Variants in CCDC171 observed in about 807,000 individuals in gnomAD.
CCDC171 encodes the protein coiled-coil domain containing 171.
Under a neutral mutation model 168.2 loss-of-function variants are expected in CCDC171, and 177 were observed. The ratio of observed to expected loss-of-function variants is 1.05; its 90% confidence interval spans 0.93 to 1.19. The LOEUF (loss-of-function observed/expected upper bound fraction) is 1.19, where lower values mean the gene tolerates loss of function less well. Among genes scored for constraint, CCDC171 ranks in the 50% most tolerant of loss-of-function variants. The pLI is 0.00. For synonymous variants in CCDC171, 687 were observed against 540.8 expected, an observed-to-expected ratio of 1.27 and a Z score of -3.75; for missense variants, 1,991 against 1,539.0, an observed-to-expected ratio of 1.29 and a Z score of -4.91.
At position 15,745,505 on chromosome 9, in the gene CCDC171, A is replaced by T. The variant is rs530529615; in HGVS notation, c.2555-10A>T. ...GTAGAATTTTACAATGGATTTTTTC[A>T]ATTTTATAGAACATCAAAAGGAGCA... On this transcript the variant is annotated splice_polypyrimidine_tract_variant and intron_variant, in intron 17 of 25. Coordinates refer to ENST00000380701, the MANE Select transcript of CCDC171 (RefSeq NM_173550.4). 2.2e-5 allele frequency: 33 copies of T among 1,509,634 alleles called. No individual in the cohort carries two copies. The East Asian group carries it at 6.0e-4, about 28-fold the overall frequency. 93.5% of individuals were successfully genotyped at this position (1,509,634 alleles called of 1,614,324 possible). A position where few individuals can be genotyped will look rare whatever the true frequency, so the allele number is the denominator to read the frequency against.
At chr9:15,590,300 A>G (rs1422051706) in intron 4 of CCDC171, among the ~76,000 whole-genome samples, 1 of 152,220 alleles carries the variant, frequency 6.6e-6, no homozygotes, top group Non-Finnish European at 1.5e-5. Flanking sequence ...AAAGAAATAT[A>G]ATTTAGAAAT....
intron 10 of CCDC171, among the ~76,000 whole-genome samples, chr9:15,681,617 A>G (rs2050045994): frequency 6.6e-6 from 1 of 152,018 alleles, no homozygotes; most frequent in African/African-American, 2.4e-5. Flanking sequence ...CACTTTTCCT[A>G]AATATATTCT....
the CCDC171 span, among the ~76,000 whole-genome samples, chr9:16,090,710 G>C: frequency 2.6e-5 from 4 of 152,156 alleles, no homozygotes; most frequent in Non-Finnish European, 5.9e-5. Flanking sequence ...AGTCATTCCA[G>C]TTATTCATTG....
intron 24 of CCDC171, among the ~76,000 whole-genome samples, chr9:15,909,857 T>TA (rs1453544072): frequency 6.6e-6 from 1 of 152,128 alleles, no homozygotes; most frequent in African/African-American, 2.4e-5. Context: ...ATTTAGGAGG[T>TA]ACAAATGCAG....
intron 24 of CCDC171, among the ~76,000 whole-genome samples, chr9:15,914,055 G>A (rs1315858009): frequency 6.6e-6 from 1 of 152,190 alleles, no homozygotes. Context: ...ACCAGCCGGA[G>A]CGCTTGTATA....
intron 18 of CCDC171, among the ~76,000 whole-genome samples, chr9:15,774,396 A>T (rs889948552): frequency 2.3e-4 from 35 of 152,054 alleles, no homozygotes; most frequent in African/African-American, 8.5e-4. Flanking sequence ...AATCAAAACC[A>T]TGATGCCATT....
chr9:15,899,966 T>A (rs144850402), intron 24 of CCDC171, among the ~76,000 whole-genome samples: 1 of 152,226 alleles, frequency 6.6e-6, no homozygotes, highest in African/African-American at 2.4e-5. Context: ...TATATTTTCT[T>A]CTAAAAGTTT....
At chr9:15,586,006 G>C (rs2041529352) in intron 4 of CCDC171, among the ~76,000 whole-genome samples, 2 of 151,980 alleles carry the variant, frequency 1.3e-5, no homozygotes, top group African/African-American at 2.4e-5. Context: ...TCCTTGAACA[G>C]TACACTAAAG....
intron 21 of CCDC171, among the ~76,000 whole-genome samples, chr9:15,785,109 T>A (rs1388041303): frequency 6.6e-6 from 1 of 152,110 alleles, no homozygotes; most frequent in Non-Finnish European, 1.5e-5. Flanking sequence ...CTTATATAAG[T>A]ACATATTTGG....
intron 25 of CCDC171, among the ~76,000 whole-genome samples, chr9:15,949,741 T>G (rs1250919668): frequency 6.6e-6 from 1 of 152,154 alleles, no homozygotes; most frequent in Admixed American, 6.6e-5. Context: ...TACAATCATG[T>G]CGTCTGCAAA....
Position 15,783,707 on chromosome 9 carries a change from C to T in CCDC171, c.3082-802C>T, listed in dbSNP as rs185609540. On this transcript the variant is annotated intron_variant, in intron 20 of 25. Transcript: ENST00000380701. ...ACAAGCTTGTCTTGCCTTGGATTCT[C>T]CATCCCTGTCTAGAACTGTCATTAG... Among the ~76,000 whole-genome samples, 562 of 152,258 alleles carry T rather than the reference C, an allele frequency of 3.7e-3. 3 individuals carry two copies. Among genetic ancestry groups the T allele is most frequent in the Middle Eastern group, 6.8e-3 (2 of 294 alleles).
chr9:15,789,246 C>T (rs962018157), intron 21 of CCDC171, among the ~76,000 whole-genome samples: 7 of 152,058 alleles, frequency 4.6e-5, no homozygotes, highest in South Asian at 2.1e-4. Context: ...TTGGGATGCT[C>T]AACCAGTAAG....
At chr9:15,746,958 T>A (rs931492282) in intron 18 of CCDC171, among the ~76,000 whole-genome samples, 5 of 152,218 alleles carry the variant, frequency 3.3e-5, no homozygotes, top group African/African-American at 1.2e-4. Flanking sequence ...CTCCAGTGAC[T>A]GGCTCGGCGG....
chr9:15,609,376 TG>T (rs2043485599), intron 6 of CCDC171, among the ~76,000 whole-genome samples: 1 of 152,238 alleles, frequency 6.6e-6, no homozygotes, highest in Non-Finnish European at 1.5e-5. Flanking sequence ...CCCAAAGTGC[TG>T]GGATTACAGG....
At chr9:15,750,015 A>C (rs2055608360) in intron 18 of CCDC171, among the ~76,000 whole-genome samples, 1 of 149,264 alleles carries the variant, frequency 6.7e-6, no homozygotes, top group Admixed American at 6.7e-5. Context: ...AACCCTTTAA[A>C]AAAAATCAGT....
chr9:15,707,053 G>A (rs2052301261), intron 11 of CCDC171, among the ~76,000 whole-genome samples: 1 of 152,126 alleles, frequency 6.6e-6, no homozygotes, highest in Non-Finnish European at 1.5e-5. Context: ...TGTGAACCTT[G>A]TAGCTGGTAT....
intron 6 of CCDC171, among the ~76,000 whole-genome samples, chr9:15,614,806 C>T (rs1415604872): frequency 6.6e-6 from 1 of 152,150 alleles, no homozygotes; most frequent in East Asian, 1.9e-4. Context: ...GCTTTTCAGC[C>T]ATGATCTTTA....
At chr9:15,571,148 C>A (rs2040191763) in intron 2 of CCDC171, among the ~76,000 whole-genome samples, 1 of 152,156 alleles carries the variant, frequency 6.6e-6, no homozygotes. Context: ...CTTTTGTGTT[C>A]TCTCTCTTGT....
chr9:16,097,738 C>A, the CCDC171 span, among the ~76,000 whole-genome samples: 1 of 152,158 alleles, frequency 6.6e-6, no homozygotes, highest in Non-Finnish European at 1.5e-5. Context: ...TTAAGGTGCA[C>A]CATTTACAAA....
Sources: gnomAD v4.1 joint callset for allele counts (sites outside exome capture counted in the v4.1 genomes callset) on GRCh38, gnomAD v4.1.1 for gene constraint, MANE v1.5 for transcripts, NCBI Gene and HGNC (gene_info 2026-07-23, HGNC 2026-07-21) for gene names.